The following GPALPP1 variants were observed in gnomAD, a reference collection of about 807,000 sequenced individuals.
The protein encoded by GPALPP1 is GPALPP motifs containing 1, also known as GPALPP motifs-containing protein 1.
A neutral mutation model predicts 38.9 loss-of-function variants in GPALPP1; 30 were observed. That is an observed-to-expected ratio of 0.77 (90% confidence interval 0.58 to 1.05). The LOEUF is 1.05. Among genes scored for constraint, GPALPP1 ranks in the 50% least tolerant of loss-of-function variants. The pLI, the probability that GPALPP1 is intolerant of heterozygous loss-of-function variation, is 0.00. For synonymous variants in GPALPP1, 120 were observed against 139.2 expected (o/e 0.86, Z 0.97); for missense variants, 384 against 408.8 (o/e 0.94, Z 0.52).
intron 1 of GPALPP1, among the ~76,000 whole-genome samples, chr13:45,000,805 G>A (rs1340079703): frequency 6.6e-6 from 1 of 152,218 alleles, no homozygotes; most frequent in African/African-American, 2.4e-5. Flanking sequence ...GTCTTCTTTA[G>A]TAAACCCTAA....
downstream of GPALPP1, among the ~76,000 whole-genome samples, chr13:45,032,633 TG>T (rs1182199056): frequency 6.6e-6 from 1 of 150,672 alleles, no homozygotes; most frequent in African/African-American, 2.4e-5. Flanking sequence ...CTCGAACTCC[TG>T]ACCTCAGGTG....
At chr13:45,008,351 A>C (rs1032435641) in intron 3 of GPALPP1, among the ~76,000 whole-genome samples, 2 of 152,198 alleles carry the variant, frequency 1.3e-5, no homozygotes, top group Non-Finnish European at 2.9e-5. Context: ...CTCAATTTCT[A>C]CTTTGGTAGT....
intron 2 of GPALPP1, chr13:45,005,225 A>G (rs1292938011): frequency 4.0e-5 from 6 of 148,874 alleles, no homozygotes; most frequent in South Asian, 2.1e-4. Context: ...CAGTCTCCCA[A>G]GTAGCTGGAA....
intron 1 of GPALPP1, among the ~76,000 whole-genome samples, chr13:44,991,461 A>G: frequency 6.6e-6 from 1 of 152,116 alleles, no homozygotes; most frequent in Non-Finnish European, 1.5e-5. Flanking sequence ...AAAAAAAGAA[A>G]AAGATTCTTC....
chr13:44,999,360 A>C (rs1478726163), intron 1 of GPALPP1, among the ~76,000 whole-genome samples: 1 of 152,202 alleles, frequency 6.6e-6, no homozygotes, highest in Non-Finnish European at 1.5e-5. Context: ...TGGAATTTAT[A>C]ATCTATTTGG....
At chr13:45,006,113 A>G in intron 2 of GPALPP1, 89 bp from the exon 3 acceptor site, 1 of 703,324 alleles carries the variant, frequency 1.4e-6, no homozygotes, top group South Asian at 1.9e-5. Flanking sequence ...ATACAACTAG[A>G]TTTAATGCTT....
intron 1 of GPALPP1, among the ~76,000 whole-genome samples, chr13:44,999,797 C>G (rs61947797): frequency 0.054 from 8,146 of 152,220 alleles, 290 homozygotes; most frequent in South Asian, 0.075. Flanking sequence ...CCAGGATGGT[C>G]TTGATCTCTT....
chr13:45,003,388 G>T (rs1873829297), intron 1 of GPALPP1, among the ~76,000 whole-genome samples: 1 of 151,958 alleles, frequency 6.6e-6, no homozygotes, highest in South Asian at 2.1e-4. Context: ...CTATAATATT[G>T]AATGAATGGC....
intron 4 of GPALPP1, chr13:45,009,082 C>G (rs1874301361): frequency 4.6e-6 from 3 of 655,608 alleles, no homozygotes; most frequent in Non-Finnish European, 8.4e-6. Context: ...ACCTGAGATT[C>G]TGTTAGGAAA....
At chr13:45,026,982 A>G (rs1254951613) in intron 7 of GPALPP1, among the ~76,000 whole-genome samples, 1 of 152,228 alleles carries the variant, frequency 6.6e-6, no homozygotes, top group Non-Finnish European at 1.5e-5. Context: ...ATCAATTGTA[A>G]GAAAGACTAC....
Position 45,028,429 on chromosome 13 carries a change from A to T in GPALPP1, c.*426A>T, listed in dbSNP as rs1049633497. 2 of 155,076 alleles carry T rather than the reference A, an allele frequency of 1.3e-5. No individual in the cohort carries two copies. The highest frequency in any genetic ancestry group is 4.8e-5 in the African/African-American group (2 of 41,502). The allele number at this position is 155,076 out of a possible 1,614,324, so 9.6% of individuals were successfully genotyped here. A position where few individuals can be genotyped will look rare whatever the true frequency, so the allele number is the denominator to read the frequency against. ...AAGGTTCAAAACTATTCCAATATTC[A>T]TCCATAGCCCAATCTGACAAGGGTT... On this transcript the variant is annotated 3_prime_UTR_variant, in exon 8 of 8. Coordinates refer to ENST00000379151, the MANE Select transcript of GPALPP1 (RefSeq NM_018559.5).
At chr13:45,011,541 G>A (rs951011273) in intron 4 of GPALPP1, among the ~76,000 whole-genome samples, 3 of 152,092 alleles carry the variant, frequency 2.0e-5, no homozygotes, top group Non-Finnish European at 2.9e-5. Context: ...AGTGCCCAGC[G>A]AAGGGGGAAG....
chr13:45,008,892 C>T lies in GPALPP1; in HGVS notation c.408+13C>T. The T allele has an allele frequency of 7.0e-7, 1 of 1,427,038 alleles. No homozygotes were observed. The allele number at this position is 1,427,038 out of a possible 1,614,324, so 88.4% of individuals were successfully genotyped here. On this transcript the variant is annotated intron_variant, in intron 4 of 7. Coordinates refer to ENST00000379151, the MANE Select transcript of GPALPP1 (RefSeq NM_018559.5). Reference sequence around the variant, plus strand: ...TCCAGGACAACAGGTATCATCATCCCATTTCAACTCTAAGGTTTGGAAAGT... The same window carrying T: ...TCCAGGACAACAGGTATCATCATCCTATTTCAACTCTAAGGTTTGGAAAGT...
At chr13:45,006,425 A>G (rs996000069) in intron 3 of GPALPP1, 122 bp downstream of exon 3, 1 of 543,918 alleles carries the variant, frequency 1.8e-6, no homozygotes, top group Non-Finnish European at 3.2e-6. Context: ...ACATTTTGAA[A>G]TGGGTCATTC....
chr13:45,020,217 A>G, intron 6 of GPALPP1, 113 bp from the exon 7 acceptor site: 1 of 542,086 alleles, frequency 1.8e-6, no homozygotes, highest in South Asian at 2.3e-5. Context: ...GGGATTTCAC[A>G]AACCTGGCTT....
chr13:44,990,200 C>G (rs1057291008), intron 1 of GPALPP1: 1 of 374,462 alleles, frequency 2.7e-6, no homozygotes, highest in Non-Finnish European at 4.7e-6. Context: ...CTTGCAGATC[C>G]TGTTCTCTCC....
At chr13:45,003,427 G>C (rs374947572) in intron 1 of GPALPP1, among the ~76,000 whole-genome samples, 1 of 152,108 alleles carries the variant, frequency 6.6e-6, no homozygotes, top group Non-Finnish European at 1.5e-5. Flanking sequence ...GGAAAATCAT[G>C]TTTCCAGGCC....
intron 4 of GPALPP1, 33 bp from the exon 5 acceptor site, chr13:45,014,919 T>C: frequency 6.6e-7 from 1 of 1,503,980 alleles, no homozygotes; most frequent in Non-Finnish European, 8.9e-7. Context: ...GTAGCTCTGC[T>C]CTTGGTTTAA....
Position 45,006,229 on chromosome 13 carries a change from C to T in GPALPP1, c.249C>T (p.Asp83=), listed in dbSNP as rs150118549. The change falls in exon 3 of 8, where the codon GAC becomes GAT. Residue 83 remains aspartate, a synonymous_variant. Coordinates refer to ENST00000379151, the MANE Select transcript of GPALPP1 (RefSeq NM_018559.5). ...ARKQRKNQDD[D]DDDDDGFFGP... ...AACAGAGGAAAAATCAGGATGATGA[C>T]GATGATGATGATGATGGGTTTTTTG... 1,524 of 1,607,132 alleles carry T rather than the reference C, an allele frequency of 9.5e-4. 2 individuals are homozygous for T. The highest frequency in any genetic ancestry group is 1.2e-3 in the Non-Finnish European group (1,391 of 1,175,198).
Sources: gnomAD v4.1 joint callset for allele counts (sites outside exome capture counted in the v4.1 genomes callset) on GRCh38, gnomAD v4.1.1 for gene constraint, MANE v1.5 for transcripts, NCBI Gene and HGNC (gene_info 2026-07-23, HGNC 2026-07-21) for gene names.